Variants in LGR5 observed in about 807,000 individuals in gnomAD.
LGR5 encodes leucine rich repeat containing G protein-coupled receptor 5.
LGR5 carries 54 observed loss-of-function variants against 76.7 expected under a neutral mutation model. The observed-to-expected ratio is 0.70, with a 90% CI of 0.57 to 0.88. The LOEUF (loss-of-function observed/expected upper bound fraction) is 0.88. LGR5 is among the 40% of genes least tolerant of loss of function. LGR5 has a pLI of 0.00. For synonymous variants in LGR5, 406 were observed against 421.9 expected, an observed-to-expected ratio of 0.96 and a Z score of 0.46; for missense variants, 1,078 against 1,073.3, an observed-to-expected ratio of 1.00 and a Z score of -0.06.
intron 1 of LGR5, among the ~76,000 whole-genome samples, chr12:71,468,933 T>C (rs1420141344): frequency 6.6e-6 from 1 of 152,204 alleles, no homozygotes; most frequent in Non-Finnish European, 1.5e-5. Context: ...ATTACCTTTG[T>C]ATTAATATAA....
chr12:71,553,968 G>A (rs936036674), intron 5 of LGR5, among the ~76,000 whole-genome samples: 1 of 152,178 alleles, frequency 6.6e-6, no homozygotes, highest in Non-Finnish European at 1.5e-5. Flanking sequence ...GCACATGCTT[G>A]TAATCCCAGC....
chr12:71,483,128 T>A (rs1052504564), intron 1 of LGR5, among the ~76,000 whole-genome samples: 3 of 152,066 alleles, frequency 2.0e-5, no homozygotes, highest in Non-Finnish European at 4.4e-5. Flanking sequence ...AGCACCTTTA[T>A]CCTTAAAGAA....
intron 7 of LGR5, among the ~76,000 whole-genome samples, chr12:71,561,206 C>G (rs913378768): frequency 1.3e-5 from 2 of 152,152 alleles, no homozygotes; most frequent in Non-Finnish European, 2.9e-5. Context: ...TCACCTCATA[C>G]AGCCACAGGC....
chr12:71,584,582 G>T lies in LGR5; in HGVS notation c.2572G>T (p.Glu858Ter). Reference sequence around the variant, plus strand: ...GATGTCAATTAACTCTGATGATGTCGAAAAACAGTCCTGTGACTCAACTCA... The same window carrying T: ...GATGTCAATTAACTCTGATGATGTCTAAAAACAGTCCTGTGACTCAACTCA... ...SLMSINSDDV[E>*]KQSCDSTQAL... Residue 858 changes from glutamate (E) to a stop codon, truncating the protein, a stop_gained, in exon 18 of 18, where the codon GAA becomes TAA. Transcript: ENST00000266674. LOFTEE classifies it high-confidence loss of function. 1.2e-6 allele frequency: 2 copies of T among 1,614,000 alleles called. No homozygotes were observed.
intron 4 of LGR5, among the ~76,000 whole-genome samples, chr12:71,544,314 TTC>T (rs201053134): frequency 0.11 from 9,338 of 84,770 alleles, 474 homozygotes; most frequent in African/African-American, 0.15. Context: ...TTTCTTCTTC[TTC>T]TTTTTTTTTT....
intron 2 of LGR5, among the ~76,000 whole-genome samples, chr12:71,516,097 A>T (rs768557201): frequency 5.9e-5 from 9 of 152,200 alleles, no homozygotes; most frequent in Non-Finnish European, 8.8e-5. Context: ...TACAATAAAC[A>T]AGAAGAAAAA....
At chr12:71,497,322 A>G (rs1173736926) in intron 1 of LGR5, among the ~76,000 whole-genome samples, 1 of 151,568 alleles carries the variant, frequency 6.6e-6, no homozygotes, top group Non-Finnish European at 1.5e-5. Context: ...TTGAAAGAAG[A>G]AAAGAAAGAA....
At chr12:71,530,504 A>G (rs1411882796) in intron 3 of LGR5, among the ~76,000 whole-genome samples, 1 of 152,236 alleles carries the variant, frequency 6.6e-6, no homozygotes, top group South Asian at 2.1e-4. Flanking sequence ...AAGATGGAGA[A>G]TGAAGACAGC....
At chr12:71,464,620 A>G (rs913534602) in intron 1 of LGR5, among the ~76,000 whole-genome samples, 28 of 152,192 alleles carry the variant, frequency 1.8e-4, no homozygotes, top group African/African-American at 6.3e-4. Context: ...CATAAGCTAC[A>G]ATTATGGCCC....
At chr12:71,512,008 T>G (rs1875180284) in intron 2 of LGR5, among the ~76,000 whole-genome samples, 1 of 141,752 alleles carries the variant, frequency 7.1e-6, no homozygotes, top group Admixed American at 6.9e-5. Context: ...TTGTTTGTTT[T>G]TTAGACAAAG....
chr12:71,560,952 G>A (rs548643111), intron 7 of LGR5, among the ~76,000 whole-genome samples: 3 of 152,250 alleles, frequency 2.0e-5, no homozygotes, highest in East Asian at 3.9e-4. Context: ...TGCATATACT[G>A]CCTTTTAGAT....
chr12:71,578,721 G>T lies in LGR5; in HGVS notation c.1281-83G>T, dbSNP rs114317617. On this transcript the variant is annotated intron_variant, in intron 14 of 17. Coordinates refer to ENST00000266674, the MANE Select transcript of LGR5 (RefSeq NM_003667.4). ...AGAAGTTTTTATTGAGTAGTTTAAC[G>T]ATCTTTAGGTTGTTGTTTTTTTTAA... The T allele has an allele frequency of 5.7e-4, 771 of 1,360,698 alleles. 2 individuals are homozygous for T. The African/African-American group carries it at 9.6e-3, about 17-fold the overall frequency. The allele number at this position is 1,360,698 out of a possible 1,614,324, so 84.3% of individuals were successfully genotyped here.
chr12:71,497,208 G>T (rs1015970896), intron 1 of LGR5, among the ~76,000 whole-genome samples: 3 of 152,016 alleles, frequency 2.0e-5, no homozygotes, highest in African/African-American at 7.2e-5. Flanking sequence ...CCAGCTATCC[G>T]GCAGGCTGAG....
intron 1 of LGR5, among the ~76,000 whole-genome samples, chr12:71,501,578 A>G (rs1029676761): frequency 6.6e-6 from 1 of 152,192 alleles, no homozygotes; most frequent in African/African-American, 2.4e-5. Context: ...TCGCTCACCA[A>G]AGAGAAGTCA....
chr12:71,580,371 C>G lies in LGR5; in HGVS notation c.1500C>G (p.Asn500Lys), dbSNP rs775333391. The stretch of plus-strand genomic sequence containing the variant: ...CTAATCAATGGAATAAAGGTGACAA[C>G]AGCAGTATGGACGACCTTCATAAGA... ...KISNQWNKGD[N>K]SSMDDLHKKD... The change falls in exon 16 of 18, where the codon AAC becomes AAG. Residue 500 changes from asparagine to lysine, a missense_variant. Asn to Lys is a moderately conservative substitution (Grantham distance 94). Transcript: ENST00000266674. The G allele has an allele frequency of 6.2e-7, 1 of 1,613,966 alleles. No individual in the cohort carries two copies. The highest frequency in any genetic ancestry group is 1.1e-5 in the South Asian group (1 of 91,072).
At chr12:71,457,038 G>A (rs1295425720) in intron 1 of LGR5, among the ~76,000 whole-genome samples, 2 of 152,060 alleles carry the variant, frequency 1.3e-5, no homozygotes, top group Admixed American at 6.6e-5. Flanking sequence ...GCCTATGGTA[G>A]GGGAATAAAG....
At chr12:71,453,394 A>T (rs908412456) in intron 1 of LGR5, among the ~76,000 whole-genome samples, 1 of 150,492 alleles carries the variant, frequency 6.6e-6, no homozygotes, top group Non-Finnish European at 1.5e-5. Flanking sequence ...TTAGGAGTCT[A>T]CTCCTCAGAT....
chr12:71,464,335 T>C (rs1872781478), intron 1 of LGR5, among the ~76,000 whole-genome samples: 1 of 152,136 alleles, frequency 6.6e-6, no homozygotes, highest in South Asian at 2.1e-4. Context: ...GAGGGAGGGA[T>C]GAATCTTTGT....
At chr12:71,469,009 C>T (rs1872977591) in intron 1 of LGR5, among the ~76,000 whole-genome samples, 1 of 152,082 alleles carries the variant, frequency 6.6e-6, no homozygotes, top group African/African-American at 2.4e-5. Context: ...AGAATTGATG[C>T]TTTCTAAATG....
Sources: gnomAD v4.1 joint callset for allele counts (sites outside exome capture counted in the v4.1 genomes callset) on GRCh38, gnomAD v4.1.1 for gene constraint, MANE v1.5 for transcripts, NCBI Gene and HGNC (gene_info 2026-07-23, HGNC 2026-07-21) for gene names.